The following THSD7A variants were observed in gnomAD, a reference collection of about 807,000 sequenced individuals.
THSD7A encodes the protein thrombospondin type 1 domain containing 7A.
A neutral mutation model predicts 231.3 loss-of-function variants in THSD7A; 96 were observed. The observed-to-expected ratio is 0.41, with a 90% CI of 0.35 to 0.49. THSD7A has a LOEUF of 0.49. Among genes scored for constraint, THSD7A ranks in the 20% least tolerant of loss-of-function variants. The probability of loss-of-function intolerance (pLI) is 0.05; values close to 1 mark genes in which losing one functional copy is unlikely to be tolerated. For missense variants in THSD7A, 2,290 were observed against 2,070.2 expected, an observed-to-expected ratio of 1.11 and a Z score of -2.06; for synonymous variants, 940 against 743.3, an observed-to-expected ratio of 1.26 and a Z score of -4.30.
chr7:11,748,668 G>A lies in THSD7A; in HGVS notation c.190+83089C>T, dbSNP rs1782395121. Among the ~76,000 whole-genome samples, 3 of 151,974 alleles carry A rather than the reference G, an allele frequency of 2.0e-5. No homozygotes were observed. In the South Asian group the frequency reaches 6.2e-4, roughly 32 times the overall value. Reference sequence around the variant, plus strand: ...CCAAACTATGTACAAACTATCATCAGAGTCAACCTCATAATTCACAGGACT... The same window carrying A: ...CCAAACTATGTACAAACTATCATCAAAGTCAACCTCATAATTCACAGGACT... On this transcript the variant is annotated intron_variant, in intron 1 of 27. Coordinates refer to ENST00000423059, the MANE Select transcript of THSD7A (RefSeq NM_015204.3).
Position 11,664,289 on chromosome 7 carries a change from G to A in THSD7A, c.191-27328C>T, listed in dbSNP as rs145579754. ...TGCTTACAGCAAAATAAAATCTACA[G>A]CAGTGCGAATAACAGATGGCTGGGA... On this transcript the variant is annotated intron_variant, in intron 1 of 27. Transcript: ENST00000423059. Among the ~76,000 whole-genome samples, 1,513 of 151,940 alleles carry A rather than the reference G, an allele frequency of 1.0e-2. 15 individuals are homozygous for A. The highest frequency in any genetic ancestry group is 0.051 in the Middle Eastern group (15 of 294).
At chr7:11,606,592 C>A (rs1227154412) in intron 2 of THSD7A, among the ~76,000 whole-genome samples, 1 of 152,052 alleles carries the variant, frequency 6.6e-6, no homozygotes, top group Non-Finnish European at 1.5e-5. Context: ...CTCTAATAAG[C>A]ACTTATAATA....
Position 11,386,379 on chromosome 7 carries a change from TTG to T in THSD7A, c.4412-3765_4412-3764del, listed in dbSNP as rs1782744764. 2.0e-5 allele frequency among the ~76,000 whole-genome samples: 3 copies of T among 152,206 alleles called. No homozygotes were observed. The South Asian group carries it at 6.2e-4, about 32-fold the overall frequency. On this transcript the variant is annotated intron_variant, in intron 23 of 27. Transcript: ENST00000423059. ...TTCTCCATATCCTCTCTAGCATCCA[TTG>T]TATCCTGACTTTTAAATGATCACCA...
Position 11,707,911 on chromosome 7 carries a change from G to C in THSD7A, c.191-70950C>G, listed in dbSNP as rs61126664. 1.8e-3 allele frequency among the ~76,000 whole-genome samples: 267 copies of C among 150,848 alleles called. 1 individual carries two copies. Among genetic ancestry groups the C allele is most frequent in the African/African-American group, 6.2e-3 (258 of 41,380 alleles). ...TTGATTGTTTAACACACTGTCAAAA[G>C]TTTGAATATGCATCTCTTATCTCTT... On this transcript the variant is annotated intron_variant, in intron 1 of 27. Coordinates refer to ENST00000423059, the MANE Select transcript of THSD7A (RefSeq NM_015204.3).
chr7:11,388,738 CTTT>C (rs1314487797), intron 23 of THSD7A, among the ~76,000 whole-genome samples: 1 of 152,106 alleles, frequency 6.6e-6, no homozygotes, highest in African/African-American at 2.4e-5. Context: ...TTCTCTAGCA[CTTT>C]TAATTGTGAT....
chr7:11,789,235 C>T (rs1783878119), intron 1 of THSD7A, among the ~76,000 whole-genome samples: 1 of 151,980 alleles, frequency 6.6e-6, no homozygotes, highest in African/African-American at 2.4e-5. Flanking sequence ...GGAACAGAGT[C>T]AAGAAATTAG....
chr7:11,384,579 C>T (rs1441283126), intron 23 of THSD7A: 5 of 151,864 alleles, frequency 3.3e-5, no homozygotes, highest in African/African-American at 9.7e-5. Context: ...ATATGGATAA[C>T]ACATTTTGGC....
intron 1 of THSD7A, among the ~76,000 whole-genome samples, chr7:11,785,639 G>A (rs1235242410): frequency 6.6e-6 from 1 of 151,974 alleles, no homozygotes; most frequent in Non-Finnish European, 1.5e-5. Context: ...ATGTGCCCTT[G>A]TATGCTTTTC....
At chr7:11,384,762 A>C (rs1782664991) in intron 23 of THSD7A, 1 of 151,996 alleles carries the variant, frequency 6.6e-6, no homozygotes. Flanking sequence ...ATATAAAGCC[A>C]TGTAAGTCCC....
rs1789223114 is a variant in THSD7A, at chr7:11,543,100, A to C, written c.1471T>G (p.Leu491Val). ...GGGATAGGTCCAGTGCATAATTTTA[A>C]GTCCATTGGCTTTGAGGCTAGAGAA... ...KNKEASKPMD[L>V]KLCTGPIPNT... Residue 491 changes from leucine to valine, a missense_variant, in exon 5 of 28, where the codon TTA becomes GTA. Transcript: ENST00000423059. 1.2e-6 allele frequency: 2 copies of C among 1,612,040 alleles called. No homozygotes were observed. The highest frequency in any genetic ancestry group is 2.7e-5 in the African/African-American group (2 of 74,890).
In THSD7A at chr7:11,377,791, C is replaced by G. The variant is rs556108096; in HGVS notation, c.4802-1134G>C. On this transcript the variant is annotated intron_variant, in intron 26 of 27. Coordinates refer to ENST00000423059, the MANE Select transcript of THSD7A (RefSeq NM_015204.3). The surrounding 1 kb of genome is among the most constrained non-coding windows in gnomAD (Gnocchi z 4.5). ...ATATCTAAGTTTTCAGAACATGCAC[C>G]TTTTAAATATTTTAAAATTTTAACT... The G allele has an allele frequency of 2.8e-4, 42 of 151,626 alleles. No individual in the cohort carries two copies. The highest frequency in any genetic ancestry group is 9.0e-4 in the African/African-American group (37 of 41,260). The allele number at this position is 151,626 out of a possible 1,614,324, so 9.4% of individuals were successfully genotyped here. A position where few individuals can be genotyped will look rare whatever the true frequency, so the allele number is the denominator to read the frequency against.
chr7:11,831,328 A>C lies in THSD7A; in HGVS notation c.190+429T>G, dbSNP rs551826464. ...AGGTGTCCCACATATCACAAAGCTA[A>C]AGTTAACAAATTCAACTCTATATCC... On this transcript the variant is annotated intron_variant, in intron 1 of 27. Transcript: ENST00000423059. The surrounding 1 kb of genome is among the most constrained non-coding windows in gnomAD (Gnocchi z 5.0). Among the ~76,000 whole-genome samples, 1 of 152,306 alleles carries C rather than the reference A, an allele frequency of 6.6e-6. No homozygotes were observed. Among genetic ancestry groups the C allele is most frequent in the African/African-American group, 2.4e-5 (1 of 41,550 alleles).
chr7:11,677,241 C>A (rs955918736), intron 1 of THSD7A, among the ~76,000 whole-genome samples: 1 of 152,164 alleles, frequency 6.6e-6, no homozygotes, highest in African/African-American at 2.4e-5. Context: ...ATGACCAGGC[C>A]TGCCTTACAA....
intron 6 of THSD7A, among the ~76,000 whole-genome samples, chr7:11,541,097 A>T (rs1187504859): frequency 6.6e-6 from 1 of 152,226 alleles, no homozygotes; most frequent in East Asian, 1.9e-4. Flanking sequence ...AAAGTCACTT[A>T]AAAAAGTTAC....
At chr7:11,391,014 T>C (rs1324318125) in intron 23 of THSD7A, among the ~76,000 whole-genome samples, 2 of 152,188 alleles carry the variant, frequency 1.3e-5, no homozygotes, top group East Asian at 3.9e-4. Context: ...AGAGCTCTCC[T>C]TTATGAAGTG....
At chr7:11,707,225 C>T (rs954858917) in intron 1 of THSD7A, among the ~76,000 whole-genome samples, 7 of 150,828 alleles carry the variant, frequency 4.6e-5, no homozygotes, top group African/African-American at 1.2e-4. Context: ...CCTTCCATTG[C>T]TTTTCTTTAA....
At chr7:11,785,509 A>C (rs1013278503) in intron 1 of THSD7A, among the ~76,000 whole-genome samples, 5 of 152,078 alleles carry the variant, frequency 3.3e-5, no homozygotes, top group African/African-American at 1.2e-4. Context: ...TTCTCATAAT[A>C]TGTGGTGTTT....
In THSD7A at chr7:11,401,812, T is replaced by A. The variant is rs1783415067; in HGVS notation, c.4394A>T (p.Glu1465Val). ...GCACTCACCATAACATGATTTTGTT[T>A]CTAACATCTGCTCTGGGCACAGATG... Reference protein sequence around the residue: ...NQHLCPEQMLETKSCYDGQCY... With the variant: ...NQHLCPEQMLVTKSCYDGQCY... Residue 1465 changes from glutamate (E) to valine (V), a missense_variant, in exon 23 of 28, where the codon GAA becomes GTA. By Grantham distance (121) the Glu-to-Val change is moderately radical. Coordinates refer to ENST00000423059, the MANE Select transcript of THSD7A (RefSeq NM_015204.3). 6.2e-7 allele frequency: 1 copy of A among 1,613,220 alleles called. No individual in the cohort carries two copies. The highest frequency in any genetic ancestry group is 1.7e-5 in the Admixed American group (1 of 59,880).
intron 1 of THSD7A, among the ~76,000 whole-genome samples, chr7:11,747,762 T>C (rs541214585): frequency 6.6e-6 from 1 of 152,032 alleles, no homozygotes; most frequent in African/African-American, 2.4e-5. Context: ...TTAATTTCTT[T>C]GGAAGGCCAT....
Sources: gnomAD v4.1 joint callset for allele counts (sites outside exome capture counted in the v4.1 genomes callset) on GRCh38, gnomAD v4.1.1 for gene constraint, Gnocchi (gnomAD v3.1) non-coding constraint, MANE v1.5 for transcripts, NCBI Gene and HGNC (gene_info 2026-07-23, HGNC 2026-07-21) for gene names.